KYAT1: variants seen among roughly 807,000 people sequenced by gnomAD.
KYAT1 encodes kynurenine aminotransferase 1, also known as kynurenine--oxoglutarate transaminase 1.
KYAT1 carries 47 observed loss-of-function variants against 52.4 expected under a neutral mutation model. The observed-to-expected ratio is 0.90, with a 90% CI of 0.71 to 1.14. The LOEUF is 1.14. Ranked by LOEUF, KYAT1 falls within the 50% of genes most tolerant of loss-of-function variation. The probability of loss-of-function intolerance (pLI) is 0.00; values close to 1 mark genes in which losing one functional copy is unlikely to be tolerated. For missense variants in KYAT1, 480 were observed against 557.9 expected (o/e 0.86, Z 1.41); for synonymous variants, 212 against 209.6 (o/e 1.01, Z -0.10).
At chr9:128,834,087 G>A (rs1230270081) in intron 11 of KYAT1, among the ~76,000 whole-genome samples, 23 of 152,138 alleles carry the variant, frequency 1.5e-4, no homozygotes, top group East Asian at 3.9e-4. Context: ...GCTAAACCCC[G>A]TCTCTACCAA....
chr9:128,857,912 A>G (rs1588117161), intron 1 of KYAT1, among the ~76,000 whole-genome samples: 1 of 152,218 alleles, frequency 6.6e-6, no homozygotes, highest in East Asian at 1.9e-4. Context: ...CATAGGAATA[A>G]ATCTCTGTGA....
chr9:128,841,476 G>C (rs961471527), intron 3 of KYAT1, among the ~76,000 whole-genome samples: 1 of 151,740 alleles, frequency 6.6e-6, no homozygotes, highest in Non-Finnish European at 1.5e-5. Context: ...AGCCGAGATC[G>C]TGCCGCTGCA....
chr9:128,882,051 G>C (rs1397675792), upstream of KYAT1: 1 of 152,282 alleles, frequency 6.6e-6, no homozygotes, highest in Non-Finnish European at 1.5e-5. Flanking sequence ...AGCGCCGCTA[G>C]AATTCTCCTC....
Position 128,864,365 on chromosome 9 carries a change from C to CAA in KYAT1, c.-7+17530_-7+17531dup, listed in dbSNP as rs35129459. On this transcript the variant is annotated intron_variant, in intron 1 of 12. Coordinates refer to ENST00000302586, the MANE Select transcript of KYAT1 (RefSeq NM_004059.5). ...TGGGCGACAGAGCGAGACTCTGTCT[C>CAA]AAAAAAAAAAAAAAAAAAAAAGTTT... Among the ~76,000 whole-genome samples the CAA allele has an allele frequency of 6.8e-3, 502 of 73,774 alleles. 5 individuals carry two copies. The highest frequency in any genetic ancestry group is 8.8e-3 in the Non-Finnish European group (364 of 41,302). The allele number at this position is 73,774 out of a possible 152,430, so 48.4% of individuals were successfully genotyped here.
chr9:128,837,080 G>C (rs1316575631), intron 6 of KYAT1, among the ~76,000 whole-genome samples, 158 bp from the exon 7 acceptor site: 2 of 152,288 alleles, frequency 1.3e-5, no homozygotes, highest in East Asian at 3.9e-4. Context: ...GAACACTGGA[G>C]GTCAGGAGTT....
At chr9:128,837,122 C>T (rs1198554509) in intron 6 of KYAT1, among the ~76,000 whole-genome samples, 200 bp from the exon 7 acceptor site, 2 of 152,092 alleles carry the variant, frequency 1.3e-5, no homozygotes, top group Non-Finnish European at 2.9e-5. Context: ...GGAGAAACCC[C>T]GTCTCTACTA....
intron 1 of KYAT1, chr9:128,847,320 A>G: frequency 1.5e-6 from 1 of 676,324 alleles, no homozygotes; most frequent in South Asian, 2.0e-5. Context: ...GCTGCAGTTA[A>G]AGAGGGCTCC....
chr9:128,857,877 C>T (rs1834882745), intron 1 of KYAT1, among the ~76,000 whole-genome samples: 1 of 152,018 alleles, frequency 6.6e-6, no homozygotes, highest in Non-Finnish European at 1.5e-5. Flanking sequence ...AATGTATGAA[C>T]TAAAACAAGA....
intron 6 of KYAT1, 33 bp downstream of exon 6, chr9:128,837,652 G>A (rs536689441): frequency 1.3e-5 from 21 of 1,612,500 alleles, no homozygotes; most frequent in Middle Eastern, 1.7e-4. Context: ...GACCAGGTCC[G>A]CAGGGGGCCA....
intron 1 of KYAT1, among the ~76,000 whole-genome samples, chr9:128,857,876 A>G (rs759998938): frequency 1.3e-5 from 2 of 152,182 alleles, no homozygotes; most frequent in Admixed American, 6.5e-5. Context: ...AAATGTATGA[A>G]CTAAAACAAG....
At position 128,833,811 on chromosome 9, in the gene KYAT1, G is replaced by A. The variant is rs181155432; in HGVS notation, c.1138C>T (p.Pro380Ser). Residue 380 changes from proline to serine, a missense_variant, in exon 12 of 13, where the codon CCT becomes TCT. Pro to Ser is a moderately conservative substitution (Grantham distance 74). Transcript: ENST00000302586. ...GGCACACTATAGAAGATGGAGACAGGGATGGCCACCAAGCCCTGGGGAGGA... is the reference window on the plus strand; with the variant it reads ...GGCACACTATAGAAGATGGAGACAGAGATGGCCACCAAGCCCTGGGGAGGA... The part of the protein sequence containing the change: ...MIKNKGLVAI[P>S]VSIFYSVPHQ... The A allele has an allele frequency of 2.1e-4, 340 of 1,614,180 alleles. No individual in the cohort carries two copies. The highest frequency in any genetic ancestry group is 8.2e-4 in the Admixed American group (49 of 60,034).
At position 128,833,528 on chromosome 9, in the gene KYAT1, C is replaced by G. The variant is rs1047271804; in HGVS notation, c.*56G>C. The G allele has an allele frequency of 3.4e-5, 53 of 1,543,928 alleles. No individual in the cohort carries two copies. Among genetic ancestry groups the G allele is most frequent in the Non-Finnish European group, 4.5e-5 (50 of 1,116,238 alleles). On this transcript the variant is annotated 3_prime_UTR_variant, in exon 13 of 13. Coordinates refer to ENST00000302586, the MANE Select transcript of KYAT1 (RefSeq NM_004059.5). The stretch of plus-strand genomic sequence containing the variant: ...TGAAACCTGGACAAAGACAGACACT[C>G]AAAGAGGATCTCTGCGGGCATGTGG...
At chr9:128,840,618 ATTTT>A in intron 3 of KYAT1, 6 of 402,418 alleles carry the variant, frequency 1.5e-5, no homozygotes, top group South Asian at 3.8e-5. Flanking sequence ...TACCCAAATG[ATTTT>A]TTTTTTTTTT....
At chr9:128,869,143 T>C (rs1309379677) in intron 1 of KYAT1, among the ~76,000 whole-genome samples, 3 of 148,544 alleles carry the variant, frequency 2.0e-5, no homozygotes, top group Non-Finnish European at 3.0e-5. Flanking sequence ...CCTGGCCTTA[T>C]TGATTTTTGA....
upstream of KYAT1, chr9:128,882,042 G>A (rs948005415): frequency 1.3e-5 from 2 of 152,250 alleles, no homozygotes; most frequent in African/African-American, 4.8e-5. Flanking sequence ...GCGGGAGAAA[G>A]CGCCGCTAGA....
rs149150393 is a variant in KYAT1 at position 128,880,930 on chromosome 9, G to A, written c.-7+967C>T. Among the ~76,000 whole-genome samples, 504 of 152,054 alleles carry A rather than the reference G, an allele frequency of 3.3e-3. 2 individuals carry two copies. Among genetic ancestry groups the A allele is most frequent in the African/African-American group, 0.011 (464 of 41,466 alleles). ...CTGTGCACATGGTAGTAAATTTCTC[G>A]CCCTGGCCCAGGTACCCAAGACCCC... On this transcript the variant is annotated intron_variant, in intron 1 of 12. Transcript: ENST00000302586.
At chr9:128,833,917 G>C (rs770974441) in intron 11 of KYAT1, 91 bp from the exon 12 acceptor site, 41 of 994,722 alleles carry the variant, frequency 4.1e-5, no homozygotes, top group Admixed American at 9.9e-5. Context: ...ACGACCAGGC[G>C]GGGAAGGAGA....
intron 3 of KYAT1, chr9:128,840,618 A>ATT (rs5900818): frequency 3.8e-4 from 151 of 402,520 alleles, no homozygotes; most frequent in African/African-American, 1.5e-3. Context: ...TACCCAAATG[A>ATT]TTTTTTTTTT....
chr9:128,856,985 G>T (rs539531091), intron 1 of KYAT1, among the ~76,000 whole-genome samples: 2 of 152,134 alleles, frequency 1.3e-5, no homozygotes, highest in Non-Finnish European at 2.9e-5. Flanking sequence ...TGAATGTCTC[G>T]GTATAAAACC....
Sources: gnomAD v4.1 joint callset for allele counts (sites outside exome capture counted in the v4.1 genomes callset) on GRCh38, gnomAD v4.1.1 for gene constraint, MANE v1.5 for transcripts, NCBI Gene and HGNC (gene_info 2026-07-23, HGNC 2026-07-21) for gene names.